Variants in RBFOX1 observed in about 807,000 individuals in gnomAD.
RBFOX1 encodes the protein RNA binding protein fox-1 homolog 1.
Under a neutral mutation model 57.7 loss-of-function variants are expected in RBFOX1, and 8 were observed. That is an observed-to-expected ratio of 0.14 (90% confidence interval 0.08 to 0.25). RBFOX1 has a LOEUF of 0.25. Among genes scored for constraint, RBFOX1 ranks in the 10% least tolerant of loss-of-function variants. The pLI is 1.00. For missense variants in RBFOX1, 611 were observed against 548.5 expected, an observed-to-expected ratio of 1.11 and a Z score of -1.14; for synonymous variants, 326 against 222.4, an observed-to-expected ratio of 1.47 and a Z score of -4.15.
At chr16:7,068,779 G>C (rs1471694847) in intron 4 of RBFOX1, among the ~76,000 whole-genome samples, 2 of 152,126 alleles carry the variant, frequency 1.3e-5, no homozygotes, top group African/African-American at 2.4e-5. Flanking sequence ...AGCAGAGATG[G>C]AGTTTCACCA....
intron 1 of RBFOX1, among the ~76,000 whole-genome samples, chr16:5,309,919 GC>G (rs2064038382): frequency 6.6e-6 from 1 of 152,164 alleles, no homozygotes; most frequent in Non-Finnish European, 1.5e-5. Flanking sequence ...TTAAACTGGA[GC>G]CAAAGCTTCT....
At chr16:7,525,810 C>T (rs1431892300) in intron 5 of RBFOX1, among the ~76,000 whole-genome samples, 1 of 152,116 alleles carries the variant, frequency 6.6e-6, no homozygotes, top group Non-Finnish European at 1.5e-5. Flanking sequence ...CTGTTAGAAT[C>T]CCACCAATAA....
At chr16:5,638,907 C>T (rs373282026) in intron 3 of RBFOX1, among the ~76,000 whole-genome samples, 1 of 152,184 alleles carries the variant, frequency 6.6e-6, no homozygotes, top group African/African-American at 2.4e-5. Context: ...CCTGTGTATC[C>T]TGTGAAACCC....
At chr16:6,796,998 A>G (rs985451436) in intron 3 of RBFOX1, among the ~76,000 whole-genome samples, 1 of 152,162 alleles carries the variant, frequency 6.6e-6, no homozygotes, top group African/African-American at 2.4e-5. Context: ...ATAAGATGCC[A>G]CGGGCAGTCT....
At chr16:5,770,513 G>C (rs1344929896) in intron 3 of RBFOX1, among the ~76,000 whole-genome samples, 13 of 152,306 alleles carry the variant, frequency 8.5e-5, no homozygotes, top group Middle Eastern at 6.8e-3. Flanking sequence ...TTAAGGAGTT[G>C]TTATAAATAA....
chr16:7,443,764 C>G (rs182638642), intron 4 of RBFOX1, among the ~76,000 whole-genome samples: 1 of 152,098 alleles, frequency 6.6e-6, no homozygotes, highest in African/African-American at 2.4e-5. Context: ...GAGAGTTGCC[C>G]AGAAGAGATC....
chr16:7,154,174 A>G (rs1298060320), intron 4 of RBFOX1, among the ~76,000 whole-genome samples: 1 of 152,212 alleles, frequency 6.6e-6, no homozygotes, highest in East Asian at 1.9e-4. Context: ...AGCACCTATG[A>G]TGTGCCAAGT....
chr16:6,357,007 GC>G (rs1237627100), intron 2 of RBFOX1, among the ~76,000 whole-genome samples: 2 of 152,064 alleles, frequency 1.3e-5, no homozygotes, highest in African/African-American at 4.8e-5. Flanking sequence ...CGTGCCCTGG[GC>G]CAAGACTGAA....
intron 2 of RBFOX1, among the ~76,000 whole-genome samples, chr16:6,518,771 C>CTGT (rs2096436740): frequency 1.3e-5 from 2 of 149,326 alleles, no homozygotes; most frequent in African/African-American, 5.0e-5. Flanking sequence ...ATCTATCTAT[C>CTGT]CATCTGTCTG....
intron 2 of RBFOX1, among the ~76,000 whole-genome samples, chr16:6,331,524 T>G (rs1295709517): frequency 2.0e-5 from 3 of 151,574 alleles, no homozygotes; most frequent in African/African-American, 7.3e-5. Flanking sequence ...TCCTCCATTT[T>G]CTGTTTCTCT....
At chr16:6,042,761 G>A (rs575820728) in intron 1 of RBFOX1, among the ~76,000 whole-genome samples, 97 of 152,250 alleles carry the variant, frequency 6.4e-4, no homozygotes, top group Admixed American at 2.5e-3. Context: ...AGACAAATCA[G>A]TACATGAAAG....
chr16:6,369,873 T>A (rs138472891), intron 2 of RBFOX1, among the ~76,000 whole-genome samples: 262 of 152,340 alleles, frequency 1.7e-3, no homozygotes, highest in African/African-American at 6.2e-3. Context: ...GGTATAGTCC[T>A]CTGGTCTCAT....
intron 4 of RBFOX1, among the ~76,000 whole-genome samples, chr16:7,364,938 A>G (rs2097409489): frequency 6.6e-6 from 1 of 152,242 alleles, no homozygotes; most frequent in African/African-American, 2.4e-5. Context: ...TTAGATGCCA[A>G]GCACTCTGAC....
At chr16:6,034,727 A>G (rs1028972637) in intron 1 of RBFOX1, among the ~76,000 whole-genome samples, 5 of 152,084 alleles carry the variant, frequency 3.3e-5, no homozygotes, top group Non-Finnish European at 7.4e-5. Context: ...TTTTGCTAAC[A>G]CTTTCCATCT....
At chr16:7,262,286 T>G (rs2094948105) in intron 4 of RBFOX1, among the ~76,000 whole-genome samples, 2 of 151,186 alleles carry the variant, frequency 1.3e-5, no homozygotes, top group Non-Finnish European at 2.9e-5. Flanking sequence ...TCTAATATTC[T>G]GTCTTTTCCT....
chr16:5,463,724 C>T (rs1473587878), intron 1 of RBFOX1, among the ~76,000 whole-genome samples: 1 of 151,056 alleles, frequency 6.6e-6, no homozygotes, highest in Non-Finnish European at 1.5e-5. Context: ...CGCTTGAACC[C>T]AGGAGATGGA....
intron 1 of RBFOX1, among the ~76,000 whole-genome samples, chr16:6,162,567 C>A (rs1469928110): frequency 1.3e-5 from 2 of 152,150 alleles, no homozygotes; most frequent in African/African-American, 4.8e-5. Flanking sequence ...TGAAATACTG[C>A]AGAAGGTGGT....
chr16:7,088,572 TAAG>T (rs1302648065), intron 4 of RBFOX1, among the ~76,000 whole-genome samples: 8 of 151,652 alleles, frequency 5.3e-5, no homozygotes, highest in African/African-American at 1.5e-4. Flanking sequence ...CGTATTAAAA[TAAG>T]AGCAATGAAG....
intron 3 of RBFOX1, among the ~76,000 whole-genome samples, chr16:6,996,503 C>T (rs139438467): frequency 2.6e-5 from 4 of 152,140 alleles, no homozygotes; most frequent in African/African-American, 9.7e-5. Context: ...ATATTTGTTA[C>T]TTGAAAATAA....
Sources: gnomAD v4.1 joint callset for allele counts (sites outside exome capture counted in the v4.1 genomes callset) on GRCh38, gnomAD v4.1.1 for gene constraint, MANE v1.5 for transcripts, NCBI Gene and HGNC (gene_info 2026-07-23, HGNC 2026-07-21) for gene names.